The following GRID1 variants were observed in gnomAD, a reference collection of about 807,000 sequenced individuals.
GRID1 encodes glutamate ionotropic receptor delta type subunit 1, also known as glutamate receptor ionotropic, delta-1.
GRID1 carries 28 observed loss-of-function variants against 98.0 expected under a neutral mutation model. The observed-to-expected ratio is 0.29, with a 90% confidence interval of 0.21 to 0.39. The LOEUF (loss-of-function observed/expected upper bound fraction) is 0.39, where lower values mean the gene tolerates loss of function less well. Ranked by LOEUF, GRID1 falls within the 10% of genes least tolerant of loss-of-function variation. The pLI, the probability that GRID1 is intolerant of heterozygous loss-of-function variation, is 1.00. For synonymous variants in GRID1, 553 were observed against 538.5 expected, an observed-to-expected ratio of 1.03 and a Z score of -0.37; for missense variants, 1,111 against 1,340.5, an observed-to-expected ratio of 0.83 and a Z score of 2.67.
At chr10:85,716,176 G>A (rs963458572) in intron 12 of GRID1, among the ~76,000 whole-genome samples, 20 of 152,240 alleles carry the variant, frequency 1.3e-4, no homozygotes, top group African/African-American at 4.1e-4. Context: ...CAAAGTGCTC[G>A]ATTACAGGCG....
intron 12 of GRID1, among the ~76,000 whole-genome samples, chr10:85,692,805 C>T (rs1280186177): frequency 6.6e-6 from 1 of 151,964 alleles, no homozygotes; most frequent in Non-Finnish European, 1.5e-5. Context: ...AAACTGAATC[C>T]TGAAAAATTC....
intron 8 of GRID1, among the ~76,000 whole-genome samples, chr10:85,777,182 G>A (rs1197139191): frequency 1.3e-5 from 2 of 152,058 alleles, no homozygotes; most frequent in African/African-American, 4.8e-5. Context: ...CTAATAAGTG[G>A]GCATCTAAAT....
At chr10:85,664,274 T>C (rs1172357593) in intron 12 of GRID1, among the ~76,000 whole-genome samples, 3 of 152,026 alleles carry the variant, frequency 2.0e-5, no homozygotes, top group East Asian at 1.9e-4. Flanking sequence ...ATGAAACCCA[T>C]GAAGGGCAAG....
intron 5 of GRID1, among the ~76,000 whole-genome samples, chr10:85,904,425 T>C (rs1373061690): frequency 6.6e-6 from 1 of 151,968 alleles, no homozygotes; most frequent in Non-Finnish European, 1.5e-5. Flanking sequence ...GTGTTAAGGA[T>C]ATGGACCCAA....
intron 4 of GRID1, among the ~76,000 whole-genome samples, chr10:85,972,570 T>C (rs1842422765): frequency 1.3e-5 from 2 of 151,694 alleles, no homozygotes; most frequent in Non-Finnish European, 2.9e-5. Context: ...TCAGAAATAC[T>C]TTCTCAGTGC....
chr10:85,925,401 C>T (rs1039817545), intron 4 of GRID1, among the ~76,000 whole-genome samples: 1 of 152,168 alleles, frequency 6.6e-6, no homozygotes, highest in Non-Finnish European at 1.5e-5. Flanking sequence ...ATTATTTATG[C>T]CCACCCTGGT....
intron 8 of GRID1, among the ~76,000 whole-genome samples, chr10:85,730,640 C>T (rs1287425751): frequency 6.6e-6 from 1 of 152,120 alleles, no homozygotes. Flanking sequence ...GGGCCTTACC[C>T]CCAGAGCCTC....
intron 3 of GRID1, among the ~76,000 whole-genome samples, chr10:86,201,552 G>A (rs1845951252): frequency 1.3e-5 from 2 of 152,084 alleles, no homozygotes; most frequent in South Asian, 2.1e-4. Flanking sequence ...GAGGGTAGGA[G>A]GAGAGAGAGG....
chr10:85,735,225 A>G (rs956763162), intron 8 of GRID1, among the ~76,000 whole-genome samples: 10 of 152,224 alleles, frequency 6.6e-5, no homozygotes, highest in African/African-American at 2.4e-4. Flanking sequence ...ACCTGTCAAG[A>G]TCAGTGCCTG....
chr10:86,343,208 CATCTT>C (rs1485866957), intron 2 of GRID1, among the ~76,000 whole-genome samples: 2 of 152,182 alleles, frequency 1.3e-5, no homozygotes, highest in Non-Finnish European at 2.9e-5. Context: ...TCCCAGTTCT[CATCTT>C]AAGCTACCTC....
At chr10:86,148,705 A>G (rs1184200984) in intron 3 of GRID1, among the ~76,000 whole-genome samples, 1 of 152,170 alleles carries the variant, frequency 6.6e-6, no homozygotes, top group Non-Finnish European at 1.5e-5. Context: ...ACATCAAAAC[A>G]TGTTGTATAC....
intron 4 of GRID1, among the ~76,000 whole-genome samples, chr10:86,083,015 G>A (rs59727166): frequency 0.17 from 26,617 of 152,110 alleles, 2,607 homozygotes; most frequent in East Asian, 0.45. Context: ...GATGAAAGAT[G>A]TCACATTGCT....
intron 4 of GRID1, among the ~76,000 whole-genome samples, chr10:86,051,842 T>C (rs2131906218): frequency 6.6e-6 from 1 of 152,360 alleles, no homozygotes; most frequent in South Asian, 2.1e-4. Flanking sequence ...CTGGTGGGAA[T>C]ATAAATTGGC....
intron 4 of GRID1, among the ~76,000 whole-genome samples, chr10:85,975,382 C>G (rs964565791): frequency 2.6e-5 from 4 of 152,266 alleles, no homozygotes; most frequent in Non-Finnish European, 5.9e-5. Flanking sequence ...TCGGGCCAGC[C>G]TGTCACGAGG....
At chr10:85,823,551 G>C (rs1055871496) in intron 8 of GRID1, among the ~76,000 whole-genome samples, 1 of 151,970 alleles carries the variant, frequency 6.6e-6, no homozygotes, top group Non-Finnish European at 1.5e-5. Context: ...AGAGAGAAGA[G>C]AGGGAATTCA....
intron 2 of GRID1, among the ~76,000 whole-genome samples, chr10:86,229,707 T>C (rs1416901586): frequency 6.6e-6 from 1 of 152,208 alleles, no homozygotes; most frequent in African/African-American, 2.4e-5. Flanking sequence ...ACCCTTCTGA[T>C]GGCGTGGCCA....
chr10:85,733,748 A>G (rs1200903243), intron 8 of GRID1, among the ~76,000 whole-genome samples: 2 of 152,208 alleles, frequency 1.3e-5, no homozygotes, highest in Non-Finnish European at 2.9e-5. Context: ...CTTAATTAAG[A>G]ATCACAAAGT....
chr10:85,691,249 C>T (rs957829308), intron 12 of GRID1, among the ~76,000 whole-genome samples: 4 of 152,210 alleles, frequency 2.6e-5, no homozygotes, highest in African/African-American at 9.6e-5. Flanking sequence ...TAAACACTGA[C>T]CTCCTCTGCC....
At chr10:85,966,942 G>A (rs539664214) in intron 4 of GRID1, among the ~76,000 whole-genome samples, 1 of 152,278 alleles carries the variant, frequency 6.6e-6, no homozygotes, top group Admixed American at 6.5e-5. Context: ...ACCTTGAATT[G>A]TAATAATCCC....
Sources: allele counts gnomAD v4.1 joint callset (sites outside exome capture counted in the v4.1 genomes callset), GRCh38; gene constraint gnomAD v4.1.1; transcripts MANE v1.5; gene names NCBI Gene and HGNC (gene_info 2026-07-23, HGNC 2026-07-21).